SLC1A7: variants seen among roughly 807,000 people sequenced by gnomAD.
SLC1A7 encodes the protein solute carrier family 1 member 7.
In SLC1A7, 40 loss-of-function variants were observed where a neutral mutation model predicts 47.7. That is an observed-to-expected ratio of 0.84 (90% CI 0.65 to 1.09). SLC1A7 has a LOEUF of 1.09. SLC1A7 is among the 50% of genes least tolerant of loss of function. SLC1A7 has a pLI of 0.00. For missense variants in SLC1A7, 746 were observed against 769.5 expected (o/e 0.97, Z 0.36); for synonymous variants, 323 against 325.6 (o/e 0.99, Z 0.09).
chr1:53,114,644 A>G, intron 3 of SLC1A7, 114 bp downstream of exon 3: 1 of 865,776 alleles, frequency 1.2e-6, no homozygotes, highest in Non-Finnish European at 1.8e-6. Context: ...CACCAGGGTG[A>G]TCATGGACTC....
At chr1:53,107,202 A>G (rs540356514) in intron 3 of SLC1A7, among the ~76,000 whole-genome samples, 1 of 151,280 alleles carries the variant, frequency 6.6e-6, no homozygotes, top group African/African-American at 2.4e-5. Context: ...ATAAAAAGCT[A>G]GAAGAAATAT....
chr1:53,111,816 G>A lies in SLC1A7; in HGVS notation c.431+2942C>T, dbSNP rs565285664. ...GAGTCCAGAAGGTGTTCAAAGCCCT[G>A]GTATTGGATGAAGTCTTGCCAGCCA... On this transcript the variant is annotated intron_variant, in intron 3 of 10. Transcript: ENST00000371494. Among the ~76,000 whole-genome samples, 4 of 152,302 alleles carry A rather than the reference G, an allele frequency of 2.6e-5. No homozygotes were observed. The East Asian group carries it at 5.8e-4, about 22-fold the overall frequency.
chr1:53,126,786 C>A (rs1644887275), intron 2 of SLC1A7, among the ~76,000 whole-genome samples: 1 of 152,210 alleles, frequency 6.6e-6, no homozygotes, highest in Non-Finnish European at 1.5e-5. Flanking sequence ...GAGAAGAAAT[C>A]ACAGTGGCAG....
At chr1:53,109,108 G>A (rs936252119) in intron 3 of SLC1A7, among the ~76,000 whole-genome samples, 3 of 151,946 alleles carry the variant, frequency 2.0e-5, no homozygotes, top group African/African-American at 2.4e-5. Context: ...CTCCCTGCAC[G>A]TTTTCTAGGC....
chr1:53,098,942 G>T (rs1357614581), intron 5 of SLC1A7, among the ~76,000 whole-genome samples: 1 of 140,004 alleles, frequency 7.1e-6, no homozygotes, highest in Non-Finnish European at 1.5e-5. Flanking sequence ...ACACTGCCTT[G>T]GTACACTCAC....
In SLC1A7 at chr1:53,105,730, A is replaced by G. The variant is rs766934317; in HGVS notation, c.474+2T>C. The G allele has an allele frequency of 3.1e-6, 5 of 1,610,964 alleles. No individual in the cohort carries two copies. Among genetic ancestry groups the G allele is most frequent in the Admixed American group, 1.7e-5 (1 of 59,924 alleles). On this transcript the variant is annotated splice_donor_variant, in intron 4 of 10. Coordinates refer to ENST00000371494, the MANE Select transcript of SLC1A7 (RefSeq NM_006671.6). LOFTEE classifies it high-confidence loss of function. Reference sequence around the variant, plus strand: ...CCCTCCACTGCCCAGAGACTCACTCACCTGTTTGAATGTGGCTTCTACTAG... The same window carrying G: ...CCCTCCACTGCCCAGAGACTCACTCGCCTGTTTGAATGTGGCTTCTACTAG...
chr1:53,096,336 A>C (rs1329803397), intron 5 of SLC1A7, among the ~76,000 whole-genome samples: 1 of 136,994 alleles, frequency 7.3e-6, no homozygotes, highest in Non-Finnish European at 1.6e-5. Flanking sequence ...ACACTCACAC[A>C]CCCTGTCTCA....
intron 1 of SLC1A7, among the ~76,000 whole-genome samples, chr1:53,135,614 A>G (rs1049881957): frequency 2.0e-5 from 3 of 152,202 alleles, no homozygotes; most frequent in Non-Finnish European, 2.9e-5. Flanking sequence ...GGACCTGACA[A>G]CTGAAGCAGA....
chr1:53,110,709 A>T (rs1644693114), intron 3 of SLC1A7, among the ~76,000 whole-genome samples: 1 of 152,168 alleles, frequency 6.6e-6, no homozygotes, highest in African/African-American at 2.4e-5. Context: ...AACAGATCTT[A>T]CAAATGAGGT....
intron 2 of SLC1A7, among the ~76,000 whole-genome samples, chr1:53,132,596 C>T (rs1644952396): frequency 6.6e-6 from 1 of 152,088 alleles, no homozygotes; most frequent in African/African-American, 2.4e-5. Context: ...CTATAATTCC[C>T]GCACTTTGGG....
At chr1:53,089,748 C>T (rs1644398682) in intron 9 of SLC1A7, 52 bp downstream of exon 9, 1 of 1,595,512 alleles carries the variant, frequency 6.3e-7, no homozygotes, top group Non-Finnish European at 8.6e-7. Context: ...CCCTGCTGAC[C>T]CTGAAGTCAG....
intron 2 of SLC1A7, among the ~76,000 whole-genome samples, chr1:53,119,921 A>G (rs1438548950): frequency 6.6e-6 from 1 of 152,160 alleles, no homozygotes; most frequent in Admixed American, 6.5e-5. Context: ...TCTCTCCCAC[A>G]CCACGCTTGG....
In SLC1A7 at chr1:53,110,570, G is replaced by C. The variant is rs188602126; in HGVS notation, c.431+4188C>G. The stretch of plus-strand genomic sequence containing the variant: ...GCACGTGTTTCTGATCTGGAGCCCC[G>C]CAGCCCCTGAGTAAGGGCAGGCAGT... On this transcript the variant is annotated intron_variant, in intron 3 of 10. Coordinates refer to ENST00000371494, the MANE Select transcript of SLC1A7 (RefSeq NM_006671.6). Among the ~76,000 whole-genome samples, 8 of 152,256 alleles carry C rather than the reference G, an allele frequency of 5.3e-5. No individual in the cohort carries two copies. In the East Asian group the frequency reaches 1.4e-3, roughly 26 times the overall value.
At chr1:53,125,996 G>A (rs147106146) in intron 2 of SLC1A7, among the ~76,000 whole-genome samples, 1 of 152,334 alleles carries the variant, frequency 6.6e-6, no homozygotes, top group African/African-American at 2.4e-5. Context: ...AAAACAAAGT[G>A]TAATTAATTT....
At chr1:53,103,153 C>T in intron 5 of SLC1A7, 193 bp downstream of exon 5, 1 of 527,188 alleles carries the variant, frequency 1.9e-6, no homozygotes, top group Non-Finnish European at 3.3e-6. Flanking sequence ...GGGGAGGTGC[C>T]AGGGGGAAGC....
intron 2 of SLC1A7, among the ~76,000 whole-genome samples, chr1:53,125,319 G>A (rs1396381263): frequency 1.3e-5 from 2 of 152,234 alleles, no homozygotes; most frequent in African/African-American, 4.8e-5. Context: ...AATCTTTTGA[G>A]CAGCAAATGT....
chr1:53,097,954 GCCTCGGTACACTCA>G (rs1644518165), intron 5 of SLC1A7, among the ~76,000 whole-genome samples: 7 of 39,430 alleles, frequency 1.8e-4, no homozygotes, highest in Non-Finnish European at 8.0e-4. Context: ...CACACACCAT[GCCTCGGTACACTCA>G]CACACCACAA....
At chr1:53,088,515 TG>T (rs1644384403) in intron 10 of SLC1A7, among the ~76,000 whole-genome samples, 1 of 152,074 alleles carries the variant, frequency 6.6e-6, no homozygotes. Flanking sequence ...CCCCATGATG[TG>T]GGGACAGCCT....
intron 1 of SLC1A7, among the ~76,000 whole-genome samples, chr1:53,138,598 G>A (rs928969657): frequency 6.6e-6 from 1 of 150,976 alleles, no homozygotes; most frequent in South Asian, 2.1e-4. Flanking sequence ...GAATGCCTGG[G>A]GTCAGGCAAT....
Sources: gnomAD v4.1 joint callset for allele counts (sites outside exome capture counted in the v4.1 genomes callset) on GRCh38, gnomAD v4.1.1 for gene constraint, MANE v1.5 for transcripts, NCBI Gene and HGNC (gene_info 2026-07-23, HGNC 2026-07-21) for gene names.